The following CSTPP1 variants were observed in gnomAD, a reference collection of about 807,000 sequenced individuals.
CSTPP1 encodes the protein UPF0705 protein C11orf49.
the CSTPP1 span, among the ~76,000 whole-genome samples, chr11:47,093,871 C>T: frequency 6.6e-6 from 1 of 152,166 alleles, no homozygotes; most frequent in Non-Finnish European, 1.5e-5. Flanking sequence ...CATTGACTAA[C>T]TAAAACATGT....
At chr11:47,117,490 G>A in the CSTPP1 span, among the ~76,000 whole-genome samples, 52 of 152,260 alleles carry the variant, frequency 3.4e-4, no homozygotes, top group African/African-American at 1.2e-3. Context: ...GGTTTCTGCC[G>A]AGAGATCCAC....
chr11:47,070,579 C>T, the CSTPP1 span, among the ~76,000 whole-genome samples: 1 of 152,176 alleles, frequency 6.6e-6, no homozygotes. Flanking sequence ...TTCAACCCTG[C>T]TTGCATATTA....
the CSTPP1 span, among the ~76,000 whole-genome samples, chr11:47,139,671 CA>C: frequency 0.18 from 20,917 of 118,884 alleles, 2,278 homozygotes; most frequent in East Asian, 0.65. Flanking sequence ...GACTGAACGT[CA>C]AAAAAAAAAA....
the CSTPP1 span, among the ~76,000 whole-genome samples, chr11:47,139,468 G>A: frequency 6.6e-6 from 1 of 152,154 alleles, no homozygotes; most frequent in Non-Finnish European, 1.5e-5. Context: ...GAGGTCAGGA[G>A]TTCGAGACCA....
chr11:47,031,809 T>C, the CSTPP1 span, among the ~76,000 whole-genome samples: 1 of 151,326 alleles, frequency 6.6e-6, no homozygotes, highest in African/African-American at 2.4e-5. Flanking sequence ...TTTATATATA[T>C]AAAGGGGAGT....
At chr11:47,135,002 G>A in the CSTPP1 span, among the ~76,000 whole-genome samples, 2 of 151,990 alleles carry the variant, frequency 1.3e-5, no homozygotes, top group Non-Finnish European at 2.9e-5. Flanking sequence ...CCAGCTACTT[G>A]GGAGGCTGAG....
chr11:47,164,265 G>A, the CSTPP1 span: 1 of 1,607,872 alleles, frequency 6.2e-7, no homozygotes, highest in Non-Finnish European at 8.5e-7. Context: ...CCAGGGGCCG[G>A]CACTGGGCAG....
the CSTPP1 span, among the ~76,000 whole-genome samples, chr11:46,974,606 C>T: frequency 1.3e-5 from 2 of 151,606 alleles, no homozygotes; most frequent in East Asian, 1.9e-4. Context: ...TTTGGGAGGC[C>T]GAGGTGGGTG....
the CSTPP1 span, among the ~76,000 whole-genome samples, chr11:47,000,121 A>C: frequency 6.6e-6 from 1 of 152,204 alleles, no homozygotes; most frequent in Non-Finnish European, 1.5e-5. Context: ...AGGTAAAAGA[A>C]ATTAATATTT....
chr11:47,077,302 C>T, the CSTPP1 span, among the ~76,000 whole-genome samples: 8 of 151,582 alleles, frequency 5.3e-5, no homozygotes, highest in African/African-American at 1.7e-4. Context: ...TGGGTTCAAG[C>T]GATTCTCCTG....
At chr11:47,067,401 C>A in the CSTPP1 span, among the ~76,000 whole-genome samples, 1 of 152,156 alleles carries the variant, frequency 6.6e-6, no homozygotes, top group Non-Finnish European at 1.5e-5. Context: ...TATGACTGAA[C>A]TGTGTCTGCC....
the CSTPP1 span, among the ~76,000 whole-genome samples, chr11:47,102,486 CAA>C: frequency 7.9e-6 from 1 of 127,020 alleles, no homozygotes. Flanking sequence ...CTTTGGGAGG[CAA>C]AAAAAAAAAT....
chr11:47,004,756 C>G, the CSTPP1 span, among the ~76,000 whole-genome samples: 1 of 152,144 alleles, frequency 6.6e-6, no homozygotes, highest in Non-Finnish European at 1.5e-5. Context: ...TTGTGTTGTT[C>G]CCACTCTTAG....
the CSTPP1 span, among the ~76,000 whole-genome samples, chr11:46,938,780 CTT>C: frequency 2.4e-5 from 3 of 123,636 alleles, no homozygotes. Context: ...TTTTCTTCTT[CTT>C]TTTTTTTTTT....
the CSTPP1 span, among the ~76,000 whole-genome samples, chr11:47,158,713 T>C: frequency 6.6e-6 from 1 of 152,164 alleles, no homozygotes; most frequent in Non-Finnish European, 1.5e-5. Context: ...TTTTGTGTTT[T>C]TTGTACAGAC....
the CSTPP1 span, among the ~76,000 whole-genome samples, chr11:47,038,987 G>A: frequency 2.9e-4 from 35 of 120,814 alleles, 6 homozygotes; most frequent in East Asian, 4.5e-3. Context: ...ATGGGATGGC[G>A]GCCGGGAAGA....
the CSTPP1 span, among the ~76,000 whole-genome samples, chr11:46,940,862 A>T: frequency 6.6e-6 from 1 of 152,210 alleles, no homozygotes; most frequent in Non-Finnish European, 1.5e-5. Context: ...TGAAAAGGCT[A>T]GTTCATTGTT....
chr11:47,088,385 G>A, the CSTPP1 span, among the ~76,000 whole-genome samples: 1 of 152,106 alleles, frequency 6.6e-6, no homozygotes, highest in Non-Finnish European at 1.5e-5. Context: ...GGTAGGACAA[G>A]ATAAACTCAT....
At chr11:46,943,370 T>C in the CSTPP1 span, among the ~76,000 whole-genome samples, 23 of 152,232 alleles carry the variant, frequency 1.5e-4, no homozygotes, top group Non-Finnish European at 5.9e-5. Context: ...AGCAGTCTAA[T>C]TGAAGTCCAC....
Sources: allele counts gnomAD v4.1 joint callset (sites outside exome capture counted in the v4.1 genomes callset), GRCh38; gene constraint gnomAD v4.1.1; transcripts MANE v1.5; gene names NCBI Gene and HGNC (gene_info 2026-07-23, HGNC 2026-07-21).